The following ADARB2 variants were observed in gnomAD, a reference collection of about 807,000 sequenced individuals.
ADARB2 encodes inactive double-stranded RNA-specific editase B2.
ADARB2 carries 25 observed loss-of-function variants against 62.2 expected under a neutral mutation model. That is an observed-to-expected ratio of 0.40 (90% CI 0.29 to 0.56). ADARB2 has a LOEUF of 0.56. Among genes scored for constraint, ADARB2 ranks in the 20% least tolerant of loss-of-function variants. ADARB2 has a pLI of 0.43. For missense variants in ADARB2, 1,071 were observed against 1,077.4 expected, an observed-to-expected ratio of 0.99 and a Z score of 0.08; for synonymous variants, 572 against 500.8, an observed-to-expected ratio of 1.14 and a Z score of -1.90.
At chr10:1,467,088 C>T (rs1831264003) in intron 1 of ADARB2, among the ~76,000 whole-genome samples, 1 of 152,156 alleles carries the variant, frequency 6.6e-6, no homozygotes, top group South Asian at 2.1e-4. Context: ...TCCTGCCACA[C>T]TTTGATCCAT....
In ADARB2 at chr10:1,737,116, C is replaced by T; in HGVS notation, c.35G>A (p.Gly12Glu). Residue 12 changes from glycine to glutamate, a missense_variant, in exon 1 of 10, where the codon GGA becomes GAA. Physicochemically the swap from Gly to Glu is moderately conservative, Grantham distance 98. Coordinates refer to ENST00000381312, the MANE Select transcript of ADARB2 (RefSeq NM_018702.4). ...GCATTTGAGTTGACTGCTCAGCCCT[C>T]CAGACCCTCTGCCGCTCCCCAGGAC... is the stretch of plus-strand genomic sequence containing the variant. ...ASVLGSGRGSGGLSSQLKCKS... is the reference protein window; with the variant it reads ...ASVLGSGRGSEGLSSQLKCKS... The T allele has an allele frequency of 1.9e-6, 3 of 1,610,886 alleles. No homozygotes were observed. Among genetic ancestry groups the T allele is most frequent in the Non-Finnish European group, 2.5e-6 (3 of 1,179,924 alleles).
chr10:1,706,200 A>G (rs1834888464), intron 1 of ADARB2, among the ~76,000 whole-genome samples: 1 of 152,220 alleles, frequency 6.6e-6, no homozygotes, highest in Admixed American at 6.5e-5. Context: ...CCTACCCTGG[A>G]AGCATAGGTG....
intron 1 of ADARB2, among the ~76,000 whole-genome samples, chr10:1,471,904 TC>T (rs1256555790): frequency 2.0e-5 from 3 of 152,180 alleles, no homozygotes; most frequent in African/African-American, 7.2e-5. Flanking sequence ...ACATCCCCCT[TC>T]CTATGAACAG....
At chr10:1,585,010 G>A (rs1363410544) in intron 1 of ADARB2, among the ~76,000 whole-genome samples, 3 of 152,110 alleles carry the variant, frequency 2.0e-5, no homozygotes, top group Non-Finnish European at 2.9e-5. Flanking sequence ...CCTGTATGGT[G>A]CTGTATACTG....
At chr10:1,339,311 C>T (rs958246929) in intron 3 of ADARB2, among the ~76,000 whole-genome samples, 2 of 152,228 alleles carry the variant, frequency 1.3e-5, no homozygotes, top group South Asian at 4.1e-4. Context: ...CATCCTGCAC[C>T]TTGCATTGAC....
intron 1 of ADARB2, among the ~76,000 whole-genome samples, chr10:1,459,534 G>A (rs866828845): frequency 6.6e-6 from 1 of 152,210 alleles, no homozygotes; most frequent in African/African-American, 2.4e-5. Context: ...AGGCCAAGGG[G>A]GGGTGGATCA....
intron 4 of ADARB2, among the ~76,000 whole-genome samples, chr10:1,246,982 A>G (rs920742856): frequency 9.9e-5 from 15 of 152,050 alleles, no homozygotes; most frequent in Non-Finnish European, 7.4e-5. Context: ...ATGTTCTTCC[A>G]TTTGTTTGTA....
chr10:1,371,133 A>G (rs1832366351), intron 2 of ADARB2, among the ~76,000 whole-genome samples: 1 of 152,228 alleles, frequency 6.6e-6, no homozygotes. Context: ...ACCCGGAAAG[A>G]AAGTGGTCCG....
At chr10:1,199,936 G>A (rs1215292672) in intron 8 of ADARB2, 30 bp downstream of exon 8, 8 of 1,487,716 alleles carry the variant, frequency 5.4e-6, no homozygotes, top group Non-Finnish European at 7.1e-6. Flanking sequence ...TGGGAAGGAG[G>A]TGGAGGGCCC....
intron 1 of ADARB2, among the ~76,000 whole-genome samples, chr10:1,703,200 G>A (rs1834845391): frequency 6.6e-6 from 1 of 152,214 alleles, no homozygotes; most frequent in Non-Finnish European, 1.5e-5. Context: ...CAGTCCTAGT[G>A]GAACTGAGCA....
At chr10:1,416,607 C>A (rs998382288) in intron 1 of ADARB2, among the ~76,000 whole-genome samples, 1 of 152,250 alleles carries the variant, frequency 6.6e-6, no homozygotes, top group Non-Finnish European at 1.5e-5. Flanking sequence ...TGAGGCTGCA[C>A]AGGCAGGGGC....
chr10:1,582,498 C>G (rs1376925498), intron 1 of ADARB2, among the ~76,000 whole-genome samples: 5 of 152,192 alleles, frequency 3.3e-5, no homozygotes, highest in Non-Finnish European at 7.4e-5. Context: ...TAAATCCATG[C>G]ATTTTTTTCT....
In ADARB2 at chr10:1,181,426, G is replaced by A. The variant is rs555535712; in HGVS notation, c.*1767C>T. 10 of 152,202 alleles carry A rather than the reference G, an allele frequency of 6.6e-5. No individual in the cohort carries two copies. Among genetic ancestry groups the A allele is most frequent in the South Asian group, 2.1e-4 (1 of 4,816 alleles). 9.4% of individuals were successfully genotyped at this position (152,202 alleles called of 1,614,324 possible). A position where few individuals can be genotyped will look rare whatever the true frequency, so the allele number is the denominator to read the frequency against. ...GTCCTTTATTTGAAAAAATGTTCTC[G>A]TATCTTTTGAAACTTTATCTGGAAG... On this transcript the variant is annotated 3_prime_UTR_variant, in exon 10 of 10. Coordinates refer to ENST00000381312, the MANE Select transcript of ADARB2 (RefSeq NM_018702.4).
rs1054248890 is a variant in ADARB2, at chr10:1,426,029, G to C, written c.101-46869C>G. On this transcript the variant is annotated intron_variant, in intron 1 of 9. Coordinates refer to ENST00000381312, the MANE Select transcript of ADARB2 (RefSeq NM_018702.4). The surrounding 1 kb of genome is among the most constrained non-coding windows in gnomAD (Gnocchi z 4.1). ...AAACAGGTTCTTTCAGGAGGTTAGA[G>C]TTTCCTTCCTCGACTCAAGCAGTCA... 6.6e-6 allele frequency among the ~76,000 whole-genome samples: 1 copy of C among 152,204 alleles called. No individual in the cohort carries two copies. The highest frequency in any genetic ancestry group is 2.1e-4 in the South Asian group (1 of 4,826).
At chr10:1,563,108 G>T (rs1009486422) in intron 1 of ADARB2, among the ~76,000 whole-genome samples, 4 of 151,724 alleles carry the variant, frequency 2.6e-5, no homozygotes, top group African/African-American at 9.7e-5. Context: ...TGAGAACGTG[G>T]TCTCCCTAAG....
intron 1 of ADARB2, among the ~76,000 whole-genome samples, chr10:1,546,872 G>A (rs186010212): frequency 1.3e-5 from 2 of 152,360 alleles, no homozygotes; most frequent in Admixed American, 1.3e-4. Flanking sequence ...CAGGCAAGGC[G>A]GGAATGCGAT....
chr10:1,721,336 T>C (rs1327072271), intron 1 of ADARB2, among the ~76,000 whole-genome samples: 1 of 152,238 alleles, frequency 6.6e-6, no homozygotes, highest in African/African-American at 2.4e-5. Flanking sequence ...AATGTTGACG[T>C]TGACATAAAA....
intron 3 of ADARB2, among the ~76,000 whole-genome samples, chr10:1,341,480 A>G: frequency 6.9e-6 from 1 of 145,778 alleles, no homozygotes; most frequent in Non-Finnish European, 1.5e-5. Context: ...CGTGCCCCAC[A>G]GTGGCAATAA....
chr10:1,590,831 C>T lies in ADARB2; in HGVS notation c.100+146220G>A, dbSNP rs116094139. 6.9e-3 allele frequency among the ~76,000 whole-genome samples: 1,043 copies of T among 152,216 alleles called. 14 individuals are homozygous for T. The highest frequency in any genetic ancestry group is 0.024 in the African/African-American group (984 of 41,506). The stretch of plus-strand genomic sequence containing the variant: ...TGCCTTCTGGAGACCTGATGCTCAG[C>T]ACGGGAAACGCAGTCAGTAACCGTG... On this transcript the variant is annotated intron_variant, in intron 1 of 9. Transcript: ENST00000381312.
Sources: gnomAD v4.1 joint callset for allele counts (sites outside exome capture counted in the v4.1 genomes callset) on GRCh38, gnomAD v4.1.1 for gene constraint, Gnocchi (gnomAD v3.1) non-coding constraint, MANE v1.5 for transcripts, NCBI Gene and HGNC (gene_info 2026-07-23, HGNC 2026-07-21) for gene names.